The following EMC3 variants were observed in gnomAD, a reference collection of about 807,000 sequenced individuals.
The protein encoded by EMC3 is 30 kDa protein.
EMC3 carries 13 observed loss-of-function variants against 36.6 expected under a neutral mutation model. The ratio of observed to expected loss-of-function variants is 0.35; its 90% confidence interval spans 0.23 to 0.56. The LOEUF (loss-of-function observed/expected upper bound fraction) is 0.56, where lower values mean the gene tolerates loss of function less well. Among genes scored for constraint, EMC3 ranks in the 20% least tolerant of loss-of-function variants. The probability of loss-of-function intolerance (pLI) is 0.84; values close to 1 mark genes in which losing one functional copy is unlikely to be tolerated. For synonymous variants in EMC3, 120 were observed against 111.9 expected, an observed-to-expected ratio of 1.07 and a Z score of -0.46; for missense variants, 220 against 324.5, an observed-to-expected ratio of 0.68 and a Z score of 2.47.
chr3:9,980,893 A>G (rs1054471218), intron 1 of EMC3, among the ~76,000 whole-genome samples: 2 of 152,192 alleles, frequency 1.3e-5, no homozygotes, highest in Admixed American at 1.3e-4. Flanking sequence ...ATGATAGGCC[A>G]TCAAAAGGCC....
chr3:9,969,376 T>C, intron 7 of EMC3: 2 of 1,149,080 alleles, frequency 1.7e-6, no homozygotes, highest in Non-Finnish European at 2.2e-6. Flanking sequence ...CTTAGTATTG[T>C]TTTTTTAATG....
intron 1 of EMC3, among the ~76,000 whole-genome samples, chr3:9,979,426 A>C (rs556780141): frequency 6.6e-6 from 1 of 152,226 alleles, no homozygotes; most frequent in Non-Finnish European, 1.5e-5. Flanking sequence ...GTAAAAACTT[A>C]AGCTCTGGAG....
intron 1 of EMC3, chr3:10,002,583 GC>G: frequency 2.8e-6 from 1 of 355,834 alleles, no homozygotes; most frequent in Non-Finnish European, 5.6e-6. Context: ...ACCGCGCCAA[GC>G]CTTGCCTTTA....
rs1277937157 is a variant in EMC3 at position 9,963,467 on chromosome 3, A to ATTTTTT, written c.*601_*602insAAAAAA. On this transcript the variant is annotated 3_prime_UTR_variant, in exon 8 of 8. Transcript: ENST00000245046. ...TCTGCTAAGATAGATATATATATAT[A>ATTTTTT]TATATATATATTTTTTTTTTTTTTT... is the stretch of plus-strand genomic sequence containing the variant. 5.7e-5 allele frequency: 6 copies of ATTTTTT among 105,842 alleles called. No homozygotes were observed. The highest frequency in any genetic ancestry group is 2.3e-4 in the African/African-American group (6 of 26,476). 6.6% of individuals were successfully genotyped at this position (105,842 alleles called of 1,614,324 possible).
chr3:10,003,133 C>T (rs1440591121), intron 1 of EMC3: 1 of 456,682 alleles, frequency 2.2e-6, no homozygotes, highest in South Asian at 1.5e-5. Flanking sequence ...CTCACCACCT[C>T]CCCAGCAACA....
At chr3:9,993,393 G>A (rs1392514373) in intron 1 of EMC3, among the ~76,000 whole-genome samples, 3 of 152,182 alleles carry the variant, frequency 2.0e-5, no homozygotes, top group Non-Finnish European at 2.9e-5. Flanking sequence ...CTGGCTGAAC[G>A]TTCAGTATAT....
intron 1 of EMC3, among the ~76,000 whole-genome samples, chr3:9,996,088 C>T (rs2086120971): frequency 6.6e-6 from 1 of 152,144 alleles, no homozygotes; most frequent in South Asian, 2.1e-4. Flanking sequence ...AGTGGGGACA[C>T]AGAATTGCCT....
At chr3:9,987,712 G>C, upstream of EMC3, 1 of 402,748 alleles carries the variant, frequency 2.5e-6, no homozygotes, top group Non-Finnish European at 4.6e-6. Flanking sequence ...GTACCTCACA[G>C]AATTCTGAAA....
Position 9,970,107 on chromosome 3 carries a change from TC to T in EMC3, c.575-307del, listed in dbSNP as rs202186133. ...CTTCACTAAGTGCTTTGCATATTTT[TC>T]CTCATCTGTTCCTAACAACCCCACA... On this transcript the variant is annotated intron_variant, in intron 6 of 7. Coordinates refer to ENST00000245046, the MANE Select transcript of EMC3 (RefSeq NM_001394674.1). Among the ~76,000 whole-genome samples the T allele has an allele frequency of 3.5e-3, 534 of 152,360 alleles. 12 individuals carry two copies. In the South Asian group the frequency reaches 0.047, roughly 13 times the overall value.
chr3:9,996,591 TC>T (rs1312294338), intron 1 of EMC3, among the ~76,000 whole-genome samples: 4 of 152,112 alleles, frequency 2.6e-5, no homozygotes, highest in African/African-American at 9.7e-5. Flanking sequence ...TTTTTTATCT[TC>T]CCCCCTGCCC....
chr3:10,004,581 C>T (rs1301436993), intron 1 of EMC3: 2 of 152,282 alleles, frequency 1.3e-5, no homozygotes, highest in Non-Finnish European at 2.9e-5. Context: ...CAGCAGAAGA[C>T]TGTGGGTGCC....
intron 1 of EMC3, among the ~76,000 whole-genome samples, chr3:9,982,748 G>A (rs891801539): frequency 7.2e-5 from 11 of 152,074 alleles, no homozygotes; most frequent in Admixed American, 4.6e-4. Flanking sequence ...TTAGCTGAGC[G>A]TGGTGGCACA....
intron 5 of EMC3, 91 bp from the exon 6 acceptor site, chr3:9,970,752 T>C: frequency 7.5e-7 from 1 of 1,340,794 alleles, no homozygotes; most frequent in Non-Finnish European, 1.1e-6. Context: ...TTGTTCAGTG[T>C]TTGTAAAGAA....
upstream of EMC3, among the ~76,000 whole-genome samples, chr3:9,988,181 T>A: frequency 1.3e-5 from 2 of 152,216 alleles, no homozygotes. Context: ...TATGTGGCTA[T>A]GTATGTGTTC....
chr3:9,991,294 A>T (rs557311892), upstream of EMC3, among the ~76,000 whole-genome samples: 1 of 152,204 alleles, frequency 6.6e-6, no homozygotes, highest in East Asian at 1.9e-4. Flanking sequence ...TTAGGTAAAC[A>T]AGCTAATTGT....
chr3:9,969,234 A>T, intron 7 of EMC3: 1 of 715,934 alleles, frequency 1.4e-6, no homozygotes, highest in Non-Finnish European at 1.8e-6. Context: ...TGCTGGGATT[A>T]CACGTGTGAG....
intron 7 of EMC3, among the ~76,000 whole-genome samples, chr3:9,964,929 TAGTG>T (rs1410965304): frequency 1.3e-5 from 2 of 152,078 alleles, no homozygotes; most frequent in Non-Finnish European, 2.9e-5. Context: ...TGCCTTAAAT[TAGTG>T]AGTGTCTAAA....
chr3:9,981,718 A>G, intron 1 of EMC3: 1 of 436,646 alleles, frequency 2.3e-6, no homozygotes, highest in South Asian at 1.6e-5. Context: ...TATAGGTGTG[A>G]GCCATTGCAC....
At chr3:9,991,314 T>C (rs181909713), upstream of EMC3, among the ~76,000 whole-genome samples, 1 of 152,044 alleles carries the variant, frequency 6.6e-6, no homozygotes, top group Non-Finnish European at 1.5e-5. Flanking sequence ...TGGAGAAAAA[T>C]CCACAAGGAA....
Sources: allele counts gnomAD v4.1 joint callset (sites outside exome capture counted in the v4.1 genomes callset), GRCh38; gene constraint gnomAD v4.1.1; transcripts MANE v1.5; gene names NCBI Gene and HGNC (gene_info 2026-07-23, HGNC 2026-07-21).